The following UCMA variants were observed in gnomAD, a reference collection of about 807,000 sequenced individuals.
UCMA encodes upper zone of growth plate and cartilage matrix-associated protein.
Under a neutral mutation model 21.8 loss-of-function variants are expected in UCMA, and 21 were observed. The ratio of observed to expected loss-of-function variants is 0.97; its 90% confidence interval spans 0.68 to 1.39. UCMA has a LOEUF of 1.39. Among genes scored for constraint, UCMA ranks in the 40% most tolerant of loss-of-function variants. The probability of loss-of-function intolerance (pLI) is 0.00; values close to 1 mark genes in which losing one functional copy is unlikely to be tolerated. For synonymous variants in UCMA, 76 were observed against 67.9 expected (o/e 1.12, Z -0.58); for missense variants, 193 against 178.9 (o/e 1.08, Z -0.45).
chr10:13,233,490 A>T (rs1436708125), intron 3 of UCMA, 48 bp downstream of exon 3: 1 of 1,501,464 alleles, frequency 6.7e-7, no homozygotes, highest in Non-Finnish European at 9.2e-7. Context: ...GGGGGGTGTG[A>T]GCAGAGGTGG....
chr10:13,228,535 C>T (rs1764739965), intron 4 of UCMA, among the ~76,000 whole-genome samples: 1 of 152,188 alleles, frequency 6.6e-6, no homozygotes, highest in Non-Finnish European at 1.5e-5. Context: ...GGGTAGAAGG[C>T]AAGCTGTTTT....
intron 4 of UCMA, among the ~76,000 whole-genome samples, chr10:13,223,046 G>A (rs112493571): frequency 0.012 from 1,828 of 151,854 alleles, 36 homozygotes; most frequent in African/African-American, 0.042. Flanking sequence ...CCAACATGGT[G>A]AAACCCTGTC....
intron 4 of UCMA, among the ~76,000 whole-genome samples, chr10:13,226,863 A>G (rs542705588): frequency 3.3e-5 from 5 of 152,302 alleles, no homozygotes; most frequent in African/African-American, 7.2e-5. Context: ...TCCTGAATTC[A>G]TCAAGAAAGG....
At chr10:13,234,140 G>A in intron 1 of UCMA, 61 bp downstream of exon 1, 2 of 1,480,052 alleles carry the variant, frequency 1.4e-6, no homozygotes, top group South Asian at 1.3e-5. Flanking sequence ...CCTTACCTGT[G>A]CATGGTAAGT....
At position 13,221,972 on chromosome 10, in the gene UCMA, A is replaced by G. The variant is rs989466025; in HGVS notation, c.*131T>C. The G allele has an allele frequency of 1.2e-6, 1 of 837,062 alleles. No homozygotes were observed. Among genetic ancestry groups the G allele is most frequent in the Non-Finnish European group, 1.9e-6 (1 of 520,298 alleles). 51.9% of individuals were successfully genotyped at this position (837,062 alleles called of 1,614,324 possible). ...GGAAGGAAAGGCATGCGTCTTTTCA[A>G]GAGCTGCTGGCCACTGCAGACCCCA... is the stretch of plus-strand genomic sequence containing the variant. On this transcript the variant is annotated 3_prime_UTR_variant, in exon 5 of 5. Coordinates refer to ENST00000378681, the MANE Select transcript of UCMA (RefSeq NM_145314.3).
At position 13,223,285 on chromosome 10, in the gene UCMA, G is replaced by A. The variant is rs139704506; in HGVS notation, c.320-1085C>T. The stretch of plus-strand genomic sequence containing the variant: ...AAAATGCCCAAAAGAATTGAAAACA[G>A]GGACACACAAATGGATACTTCTACG... On this transcript the variant is annotated intron_variant, in intron 4 of 4. Transcript: ENST00000378681. Among the ~76,000 whole-genome samples the A allele has an allele frequency of 2.4e-4, 36 of 151,306 alleles. 2 individuals are homozygous for A. The East Asian group carries it at 6.8e-3, about 29-fold the overall frequency.
Position 13,221,932 on chromosome 10 carries a change from A to T in UCMA, c.*171T>A. 1.5e-6 allele frequency: 1 copy of T among 650,736 alleles called. No individual in the cohort carries two copies. Among genetic ancestry groups the T allele is most frequent in the Non-Finnish European group, 2.7e-6 (1 of 374,194 alleles). The allele number at this position is 650,736 out of a possible 1,614,324, so 40.3% of individuals were successfully genotyped here. A position where few individuals can be genotyped will look rare whatever the true frequency, so the allele number is the denominator to read the frequency against. ...GGTCTGCAAAGAGGTGAAAGTCAGG[A>T]CACTTTCACACACTGGAAGGAAAGG... On this transcript the variant is annotated 3_prime_UTR_variant, in exon 5 of 5. Coordinates refer to ENST00000378681, the MANE Select transcript of UCMA (RefSeq NM_145314.3).
chr10:13,223,182 C>A (rs138997947), intron 4 of UCMA, among the ~76,000 whole-genome samples: 1 of 149,362 alleles, frequency 6.7e-6, no homozygotes, highest in Admixed American at 6.7e-5. Context: ...GCTGAGATCA[C>A]GCCACTGCAC....
chr10:13,228,172 G>A (rs543563396), intron 4 of UCMA, among the ~76,000 whole-genome samples: 1 of 151,996 alleles, frequency 6.6e-6, no homozygotes, highest in African/African-American at 2.4e-5. Flanking sequence ...CAATTCACCT[G>A]CCTCAGCCTC....
Position 13,221,850 on chromosome 10 carries a change from A to T in UCMA, c.*253T>A, listed in dbSNP as rs2077684847. 2 of 491,616 alleles carry T rather than the reference A, an allele frequency of 4.1e-6. No homozygotes were observed. The highest frequency in any genetic ancestry group is 7.2e-6 in the Non-Finnish European group (2 of 276,576). 30.5% of individuals were successfully genotyped at this position (491,616 alleles called of 1,614,324 possible). The stretch of plus-strand genomic sequence containing the variant: ...TTTGCTTGGGAACGAAGCCAGGGGA[A>T]GCCACTGTAGGTTTGGTACTAGGAG... On this transcript the variant is annotated 3_prime_UTR_variant, in exon 5 of 5. Transcript: ENST00000378681.
Position 13,234,283 on chromosome 10 carries a change from C to T in UCMA, c.-25G>A. Reference sequence around the variant, plus strand: ...TCTTTGCAGAGGTAGGGGCTCCGTCCAGGACCCACAAGGCAGACCAGGCGT... The same window carrying T: ...TCTTTGCAGAGGTAGGGGCTCCGTCTAGGACCCACAAGGCAGACCAGGCGT... On this transcript the variant is annotated 5_prime_UTR_variant, in exon 1 of 5. Transcript: ENST00000378681. The T allele has an allele frequency of 6.2e-7, 1 of 1,612,384 alleles. No individual in the cohort carries two copies.
intron 4 of UCMA, among the ~76,000 whole-genome samples, chr10:13,229,102 AT>A (rs1227815761): frequency 6.6e-6 from 1 of 151,844 alleles, no homozygotes; most frequent in Non-Finnish European, 1.5e-5. Context: ...CACCCAGCTA[AT>A]TTTTGTATTT....
At position 13,232,396 on chromosome 10, in the gene UCMA, G is replaced by A. The variant is rs77665167; in HGVS notation, c.220+1142C>T. Among the ~76,000 whole-genome samples, 381 of 94,048 alleles carry A rather than the reference G, an allele frequency of 4.1e-3. 7 individuals are homozygous for A. The South Asian group carries it at 0.052, about 13-fold the overall frequency. 61.7% of individuals were successfully genotyped at this position (94,048 alleles called of 152,430 possible). ...CAAAAAAAAAAAAAAAAAAAAAAAA[G>A]AGGACAGAAGCTATTTGCCTGGCCT... is the stretch of plus-strand genomic sequence containing the variant. On this transcript the variant is annotated intron_variant, in intron 3 of 4. Coordinates refer to ENST00000378681, the MANE Select transcript of UCMA (RefSeq NM_145314.3).
intron 3 of UCMA, among the ~76,000 whole-genome samples, chr10:13,231,554 T>C (rs1834899406): frequency 6.6e-6 from 1 of 152,152 alleles, no homozygotes. Flanking sequence ...ACTTAGTAAG[T>C]CACTGCCTAT....
At chr10:13,233,692 C>A in intron 2 of UCMA, 43 bp downstream of exon 2, 1 of 1,613,936 alleles carries the variant, frequency 6.2e-7, no homozygotes, top group African/African-American at 1.3e-5. Flanking sequence ...TGCTGCTTCG[C>A]TGGCTGCACC....
chr10:13,230,926 A>G (rs1383652838), intron 3 of UCMA, among the ~76,000 whole-genome samples: 1 of 152,130 alleles, frequency 6.6e-6, no homozygotes, highest in African/African-American at 2.4e-5. Flanking sequence ...GCGTGGTGGC[A>G]GGTGCCTATA....
At chr10:13,230,174 G>A (rs1203470579) in intron 3 of UCMA, among the ~76,000 whole-genome samples, 1 of 152,196 alleles carries the variant, frequency 6.6e-6, no homozygotes, top group African/African-American at 2.4e-5. Context: ...CAGATACGGT[G>A]GCTCACGCCT....
intron 4 of UCMA, among the ~76,000 whole-genome samples, chr10:13,228,385 G>A (rs1834852040): frequency 6.6e-6 from 1 of 152,122 alleles, no homozygotes. Context: ...AAAAGACCAA[G>A]GCTTAGAGAA....
At chr10:13,230,655 G>A (rs1043439978) in intron 3 of UCMA, among the ~76,000 whole-genome samples, 1 of 152,186 alleles carries the variant, frequency 6.6e-6, no homozygotes, top group Non-Finnish European at 1.5e-5. Context: ...GCTGGGGGGT[G>A]CTGAAGGAAG....
Sources: allele counts gnomAD v4.1 joint callset (sites outside exome capture counted in the v4.1 genomes callset), GRCh38; gene constraint gnomAD v4.1.1; transcripts MANE v1.5; gene names NCBI Gene and HGNC (gene_info 2026-07-23, HGNC 2026-07-21).